ANKFN1: variants seen among roughly 807,000 people sequenced by gnomAD.
The protein encoded by ANKFN1 is ankyrin repeat and fibronectin type-III domain-containing protein 1.
In ANKFN1, 74 loss-of-function variants were observed where a neutral mutation model predicts 108.7. That is an observed-to-expected ratio of 0.68 (90% CI 0.56 to 0.83). The LOEUF (loss-of-function observed/expected upper bound fraction) is 0.83, where lower values mean the gene tolerates loss of function less well. ANKFN1 is among the 40% of genes least tolerant of loss of function. The pLI is 0.00. For synonymous variants in ANKFN1, 547 were observed against 516.2 expected (o/e 1.06, Z -0.81); for missense variants, 1,505 against 1,382.3 (o/e 1.09, Z -1.41).
intron 10 of ANKFN1, among the ~76,000 whole-genome samples, chr17:56,447,196 G>A (rs545883306): frequency 5.3e-5 from 8 of 152,270 alleles, no homozygotes; most frequent in East Asian, 1.9e-4. Context: ...GCACCCCAGC[G>A]TGGGTGACAG....
At chr17:56,057,897 A>G (rs907427016) in intron 4 of ANKFN1, among the ~76,000 whole-genome samples, 2 of 152,220 alleles carry the variant, frequency 1.3e-5, no homozygotes, top group African/African-American at 4.8e-5. Flanking sequence ...ATCGGAGATC[A>G]TCTTCTTCTC....
intron 13 of ANKFN1, 32 bp downstream of exon 13, chr17:56,457,421 C>T (rs762702762): frequency 6.4e-7 from 1 of 1,554,022 alleles, no homozygotes; most frequent in Admixed American, 2.1e-5. Context: ...TTTTTCCCTA[C>T]TTTGTACCAA....
chr17:56,172,820 G>A (rs1017743895), intron 1 of ANKFN1, among the ~76,000 whole-genome samples: 3 of 152,134 alleles, frequency 2.0e-5, no homozygotes, highest in South Asian at 2.1e-4. Context: ...TGATACTACC[G>A]GTCAGGCAAG....
rs747756557 is a variant in ANKFN1 at position 56,510,999 on chromosome 17, C to G, written c.3171C>G (p.Ala1057=). 20 of 1,536,006 alleles carry G rather than the reference C, an allele frequency of 1.3e-5. No homozygotes were observed. The highest frequency in any genetic ancestry group is 1.7e-4 in the Middle Eastern group (1 of 5,934). Residue 1057 remains alanine, a synonymous_variant, in exon 21 of 21, where the codon GCC becomes GCG. Transcript: ENST00000682825. ...AGGAGGCCAAGCGGGCCGGCCCTGC[C>G]CTTGATGATCCCAGGGGCCTAACTC... is the stretch of plus-strand genomic sequence containing the variant. ...EPKEAKRAGP[A]LDDPRGLTLA...
chr17:56,098,500 A>G (rs756317507), intron 4 of ANKFN1, among the ~76,000 whole-genome samples: 2 of 152,018 alleles, frequency 1.3e-5, no homozygotes, highest in Non-Finnish European at 2.9e-5. Flanking sequence ...CATAGCATTC[A>G]TCACTCTCTG....
intron 8 of ANKFN1, among the ~76,000 whole-genome samples, chr17:56,439,824 G>A (rs959922873): frequency 6.6e-6 from 1 of 152,090 alleles, no homozygotes; most frequent in Non-Finnish European, 1.5e-5. Flanking sequence ...GCGAATAGAA[G>A]GTAATGTCCT....
At chr17:56,477,748 A>AGGG (rs2050555421) in intron 16 of ANKFN1, 94 bp downstream of exon 16, 6 of 1,424,376 alleles carry the variant, frequency 4.2e-6, no homozygotes, top group African/African-American at 1.4e-5. Flanking sequence ...TGTTACTTCC[A>AGGG]GGGCAGTTTT....
intron 4 of ANKFN1, among the ~76,000 whole-genome samples, chr17:56,055,895 T>C (rs1409582675): frequency 6.6e-6 from 1 of 151,896 alleles, no homozygotes; most frequent in Non-Finnish European, 1.5e-5. Context: ...CTGTAGCTTT[T>C]AGACTTTTTA....
At chr17:56,241,550 T>C (rs1567858778) in intron 3 of ANKFN1, among the ~76,000 whole-genome samples, 1 of 152,106 alleles carries the variant, frequency 6.6e-6, no homozygotes, top group Non-Finnish European at 1.5e-5. Context: ...CTTAAAATAC[T>C]GTAGCATTAA....
At chr17:56,080,674 G>GC (rs1344552537) in intron 4 of ANKFN1, among the ~76,000 whole-genome samples, 1 of 152,182 alleles carries the variant, frequency 6.6e-6, no homozygotes, top group Non-Finnish European at 1.5e-5. Context: ...GGTAACTGAG[G>GC]CCCAGAGAGC....
chr17:56,053,157 T>A (rs1373804619), intron 4 of ANKFN1, among the ~76,000 whole-genome samples: 1 of 152,176 alleles, frequency 6.6e-6, no homozygotes, highest in Non-Finnish European at 1.5e-5. Context: ...ACTTTTTTTA[T>A]TTCTAATATT....
At chr17:56,474,351 T>C (rs2050428633) in intron 15 of ANKFN1, among the ~76,000 whole-genome samples, 1 of 152,226 alleles carries the variant, frequency 6.6e-6, no homozygotes, top group Non-Finnish European at 1.5e-5. Context: ...GAGACTTCTC[T>C]CTGGTCTTGT....
intron 8 of ANKFN1, among the ~76,000 whole-genome samples, chr17:56,405,435 G>A (rs1044612561): frequency 6.6e-6 from 1 of 152,140 alleles, no homozygotes; most frequent in African/African-American, 2.4e-5. Context: ...ATAATGCTGG[G>A]AGAAGTGTAA....
intron 4 of ANKFN1, among the ~76,000 whole-genome samples, chr17:56,077,701 C>G (rs747383730): frequency 6.6e-6 from 1 of 152,132 alleles, no homozygotes; most frequent in Non-Finnish European, 1.5e-5. Context: ...GTATGCCTTG[C>G]CCCTACTTCT....
chr17:56,443,299 G>A (rs1020792080), intron 10 of ANKFN1, among the ~76,000 whole-genome samples: 8 of 152,120 alleles, frequency 5.3e-5, no homozygotes, highest in African/African-American at 1.9e-4. Context: ...CAGAGAGTTC[G>A]AGGCTATAGT....
chr17:56,211,622 A>G (rs1915017226), intron 1 of ANKFN1, among the ~76,000 whole-genome samples: 1 of 151,870 alleles, frequency 6.6e-6, no homozygotes, highest in Admixed American at 6.6e-5. Context: ...TTTAGGATTG[A>G]TTTGTCTAGT....
At chr17:56,390,625 G>C (rs977148077) in intron 8 of ANKFN1, among the ~76,000 whole-genome samples, 1 of 152,166 alleles carries the variant, frequency 6.6e-6, no homozygotes, top group Non-Finnish European at 1.5e-5. Context: ...TTGCCACACT[G>C]TCTTCCACAA....
At chr17:56,181,304 C>CT (rs1911654973) in intron 1 of ANKFN1, among the ~76,000 whole-genome samples, 1 of 152,062 alleles carries the variant, frequency 6.6e-6, no homozygotes. Context: ...TCCCCCAAAG[C>CT]TTTTTTAAAA....
chr17:56,105,921 C>T (rs993593015), intron 4 of ANKFN1, among the ~76,000 whole-genome samples: 4 of 152,062 alleles, frequency 2.6e-5, no homozygotes, highest in African/African-American at 9.6e-5. Flanking sequence ...GGTAAAGGCA[C>T]GGGATGCTGC....
Sources: allele counts gnomAD v4.1 joint callset (sites outside exome capture counted in the v4.1 genomes callset), GRCh38; gene constraint gnomAD v4.1.1; transcripts MANE v1.5; gene names NCBI Gene and HGNC (gene_info 2026-07-23, HGNC 2026-07-21).